TBCA: variants seen among roughly 807,000 people sequenced by gnomAD.
TBCA encodes the protein tubulin folding cofactor A, also known as tubulin-specific chaperone A.
TBCA carries 6 observed loss-of-function variants against 15.8 expected under a neutral mutation model. The observed-to-expected ratio is 0.38, with a 90% CI of 0.21 to 0.75. The LOEUF (loss-of-function observed/expected upper bound fraction) is 0.75. Ranked by LOEUF, TBCA falls within the 30% of genes least tolerant of loss-of-function variation. The probability of loss-of-function intolerance (pLI) is 0.46; values close to 1 mark genes in which losing one functional copy is unlikely to be tolerated. For missense variants in TBCA, 90 were observed against 131.2 expected, an observed-to-expected ratio of 0.69 and a Z score of 1.53; for synonymous variants, 32 against 42.3, an observed-to-expected ratio of 0.76 and a Z score of 0.94.
rs10061855 is a variant in TBCA, at chr5:77,742,400, A to G, written c.53+33805T>C. ...TCATCCCTCCCCTTCTTCTCCCAAC[A>G]TTTAGTGGCCATAAAATAAAAACAT... On this transcript the variant is annotated intron_variant, in intron 1 of 3. Transcript: ENST00000380377. Among the ~76,000 whole-genome samples, 1,038 of 152,270 alleles carry G rather than the reference A, an allele frequency of 6.8e-3. 5 individuals are homozygous for G. Among genetic ancestry groups the G allele is most frequent in the Middle Eastern group, 0.017 (5 of 294 alleles).
At chr5:77,743,981 C>T (rs1161009471) in intron 1 of TBCA, among the ~76,000 whole-genome samples, 2 of 152,114 alleles carry the variant, frequency 1.3e-5, no homozygotes, top group African/African-American at 2.4e-5. Flanking sequence ...TACTCACTTG[C>T]AAACTTATTA....
chr5:77,739,537 A>T (rs1746986020), intron 1 of TBCA, among the ~76,000 whole-genome samples: 1 of 152,150 alleles, frequency 6.6e-6, no homozygotes, highest in Non-Finnish European at 1.5e-5. Context: ...TTCCCTGCCC[A>T]CTTTCACCAG....
intron 1 of TBCA, among the ~76,000 whole-genome samples, chr5:77,770,320 A>C (rs1747876797): frequency 6.6e-6 from 1 of 152,256 alleles, no homozygotes; most frequent in Admixed American, 6.5e-5. Flanking sequence ...TCAAGGATTC[A>C]TATTTACACC....
At chr5:77,710,056 G>A (rs1006150984) in intron 1 of TBCA, among the ~76,000 whole-genome samples, 1 of 152,146 alleles carries the variant, frequency 6.6e-6, no homozygotes, top group African/African-American at 2.4e-5. Context: ...TCTTTTGGGG[G>A]TAAGAAACAT....
intron 1 of TBCA, among the ~76,000 whole-genome samples, chr5:77,767,929 G>A (rs1747817905): frequency 6.6e-6 from 1 of 152,234 alleles, no homozygotes; most frequent in Admixed American, 6.5e-5. Flanking sequence ...GCCTTTAGGT[G>A]ATTAGGTAAT....
At chr5:77,757,763 C>T (rs1009184137) in intron 1 of TBCA, among the ~76,000 whole-genome samples, 2 of 152,146 alleles carry the variant, frequency 1.3e-5, no homozygotes, top group African/African-American at 4.8e-5. Context: ...GTTTATTTTG[C>T]CTAGGTTAAG....
chr5:77,756,334 T>A (rs1747476372), intron 1 of TBCA, among the ~76,000 whole-genome samples: 1 of 151,518 alleles, frequency 6.6e-6, no homozygotes, highest in African/African-American at 2.4e-5. Flanking sequence ...GTGTTGGGAG[T>A]TCCCTGTAGG....
intron 1 of TBCA, among the ~76,000 whole-genome samples, chr5:77,749,557 TTA>T (rs1448048522): frequency 1.3e-5 from 2 of 152,248 alleles, no homozygotes; most frequent in Non-Finnish European, 2.9e-5. Flanking sequence ...TACAGTGTAA[TTA>T]TTTCCAGACC....
At chr5:77,757,502 T>C (rs2112501629) in intron 1 of TBCA, among the ~76,000 whole-genome samples, 1 of 152,282 alleles carries the variant, frequency 6.6e-6, no homozygotes, top group Non-Finnish European at 1.5e-5. Context: ...AAAGGAGTTG[T>C]ACAGCAACAA....
At chr5:77,774,556 A>G (rs1447525060) in intron 1 of TBCA, among the ~76,000 whole-genome samples, 1 of 152,188 alleles carries the variant, frequency 6.6e-6, no homozygotes, top group East Asian at 1.9e-4. Flanking sequence ...CGAACTGCCA[A>G]TTGGAAAACC....
intron 1 of TBCA, among the ~76,000 whole-genome samples, chr5:77,762,247 AT>A (rs1747660468): frequency 6.6e-6 from 1 of 152,226 alleles, no homozygotes; most frequent in African/African-American, 2.4e-5. Flanking sequence ...TTTAAAAGAA[AT>A]GTATTAGAAT....
intron 2 of TBCA, among the ~76,000 whole-genome samples, chr5:77,707,416 CAAGG>C (rs1239592664): frequency 3.3e-5 from 5 of 152,004 alleles, no homozygotes; most frequent in Non-Finnish European, 7.4e-5. Flanking sequence ...GAAGAGACCT[CAAGG>C]AAGAACAGAA....
At chr5:77,740,440 T>C (rs1341422986) in intron 1 of TBCA, among the ~76,000 whole-genome samples, 1 of 151,736 alleles carries the variant, frequency 6.6e-6, no homozygotes, top group Non-Finnish European at 1.5e-5. Context: ...GCTATAGGAA[T>C]TGAGATGTAG....
chr5:77,719,383 G>GA (rs1203314194), intron 1 of TBCA, among the ~76,000 whole-genome samples: 1 of 152,060 alleles, frequency 6.6e-6, no homozygotes, highest in Non-Finnish European at 1.5e-5. Context: ...TAGCACAAAA[G>GA]AATATACTGT....
intron 1 of TBCA, among the ~76,000 whole-genome samples, chr5:77,738,737 C>A (rs1243542420): frequency 6.8e-6 from 1 of 147,788 alleles, no homozygotes; most frequent in Non-Finnish European, 1.5e-5. Context: ...CATCTGCCAC[C>A]ACGCCTGGCT....
chr5:77,750,999 G>A (rs1747315353), intron 1 of TBCA, among the ~76,000 whole-genome samples: 1 of 152,026 alleles, frequency 6.6e-6, no homozygotes. Context: ...GAAGACCAAG[G>A]TTTTGTCATG....
intron 1 of TBCA, among the ~76,000 whole-genome samples, chr5:77,713,965 G>A (rs2112446363): frequency 6.7e-6 from 1 of 149,600 alleles, no homozygotes; most frequent in East Asian, 1.9e-4. Context: ...TTAACTGAAA[G>A]GGCTTCATAA....
At chr5:77,703,206 CTTTGTCCA>C (rs1341311699) in intron 2 of TBCA, among the ~76,000 whole-genome samples, 6 of 152,168 alleles carry the variant, frequency 3.9e-5, no homozygotes, top group Non-Finnish European at 7.3e-5. Flanking sequence ...ACTGAGAACT[CTTTGTCCA>C]AAAATTATAC....
At chr5:77,715,858 CCCTGTTTGGAG>C (rs1746388044) in intron 1 of TBCA, among the ~76,000 whole-genome samples, 1 of 152,104 alleles carries the variant, frequency 6.6e-6, no homozygotes, top group Non-Finnish European at 1.5e-5. Flanking sequence ...TATTAAATCC[CCCTGTTTGGAG>C]CCTCTAGTAT....
Sources: allele counts gnomAD v4.1 joint callset (sites outside exome capture counted in the v4.1 genomes callset), GRCh38; gene constraint gnomAD v4.1.1; transcripts MANE v1.5; gene names NCBI Gene and HGNC (gene_info 2026-07-23, HGNC 2026-07-21).